DLG2: variants seen among roughly 807,000 people sequenced by gnomAD.
The protein encoded by DLG2 is disks large homolog 2.
In DLG2, 45 loss-of-function variants were observed where a neutral mutation model predicts 132.5. The ratio of observed to expected loss-of-function variants is 0.34; its 90% CI spans 0.27 to 0.44. The LOEUF (loss-of-function observed/expected upper bound fraction) is 0.44. Among genes scored for constraint, DLG2 ranks in the 20% least tolerant of loss-of-function variants. The pLI is 1.00. For synonymous variants in DLG2, 424 were observed against 419.6 expected (o/e 1.01, Z -0.13); for missense variants, 1,045 against 1,196.9 (o/e 0.87, Z 1.87).
At chr11:83,621,205 A>G (rs1470873903) in intron 19 of DLG2, among the ~76,000 whole-genome samples, 2 of 152,080 alleles carry the variant, frequency 1.3e-5, no homozygotes, top group Admixed American at 6.5e-5. Context: ...CTTTTTGTTT[A>G]TTATTTTTAG....
intron 21 of DLG2, among the ~76,000 whole-genome samples, chr11:83,497,559 A>T (rs985923888): frequency 6.6e-6 from 1 of 151,796 alleles, no homozygotes; most frequent in Admixed American, 6.6e-5. Flanking sequence ...AAAAACAAAA[A>T]ACAAAACAAA....
chr11:85,336,504 G>A lies in DLG2; in HGVS notation c.41-51139C>T, dbSNP rs139362007. 927 of 157,200 alleles carry A rather than the reference G, an allele frequency of 5.9e-3. 7 individuals are homozygous for A. Among genetic ancestry groups the A allele is most frequent in the Middle Eastern group, 0.015 (5 of 342 alleles). The allele number at this position is 157,200 out of a possible 1,614,324, so 9.7% of individuals were successfully genotyped here. A position where few individuals can be genotyped will look rare whatever the true frequency, so the allele number is the denominator to read the frequency against. On this transcript the variant is annotated intron_variant, in intron 3 of 27. Transcript: ENST00000376104. Reference sequence around the variant, plus strand: ...CAAGGTGGTAGCAGCAGCTGAGGAGGTGGCCAACATAGCTGTGTTGTTCCT... The same window carrying A: ...CAAGGTGGTAGCAGCAGCTGAGGAGATGGCCAACATAGCTGTGTTGTTCCT...
At chr11:84,681,517 T>C (rs1054528556) in intron 6 of DLG2, among the ~76,000 whole-genome samples, 1 of 152,108 alleles carries the variant, frequency 6.6e-6, no homozygotes, top group East Asian at 1.9e-4. Flanking sequence ...ACATGCAGCT[T>C]TATGCTCACA....
intron 8 of DLG2, among the ~76,000 whole-genome samples, chr11:84,191,730 G>C (rs1176714339): frequency 6.6e-6 from 1 of 152,166 alleles, no homozygotes; most frequent in Non-Finnish European, 1.5e-5. Context: ...GCAATTAACA[G>C]TTAATAAATA....
intron 7 of DLG2, among the ~76,000 whole-genome samples, chr11:84,505,148 T>C (rs1378915682): frequency 6.6e-6 from 1 of 152,112 alleles, no homozygotes; most frequent in Non-Finnish European, 1.5e-5. Context: ...TATTAAAATG[T>C]ATCCTATTTA....
intron 7 of DLG2, among the ~76,000 whole-genome samples, chr11:84,343,968 T>G (rs925457721): frequency 6.6e-6 from 1 of 152,128 alleles, no homozygotes; most frequent in Non-Finnish European, 1.5e-5. Context: ...TATGTCCTCT[T>G]GAAGAAAGAA....
chr11:83,964,606 C>A lies in DLG2; in HGVS notation c.1201+718G>T, dbSNP rs192835182. Among the ~76,000 whole-genome samples, 783 of 152,062 alleles carry A rather than the reference C, an allele frequency of 5.1e-3. 4 individuals carry two copies. In the Middle Eastern group the frequency reaches 0.055, roughly 11 times the overall value. ...ACAACTATCCCTTACATTTACATAA[C>A]AAAGTAAATTGCTTCTAAATCTAGT... is the stretch of plus-strand genomic sequence containing the variant. On this transcript the variant is annotated intron_variant, in intron 13 of 27. Transcript: ENST00000376104.
chr11:84,213,396 A>C (rs747533340), intron 8 of DLG2, among the ~76,000 whole-genome samples: 2 of 152,192 alleles, frequency 1.3e-5, no homozygotes, highest in African/African-American at 2.4e-5. Flanking sequence ...CTATTGAATA[A>C]ATTAATGAAT....
intron 3 of DLG2, among the ~76,000 whole-genome samples, chr11:85,458,097 C>T (rs1042067993): frequency 1.3e-5 from 2 of 152,180 alleles, no homozygotes; most frequent in East Asian, 3.8e-4. Flanking sequence ...GGTTTCTTTA[C>T]ATAATCCCAT....
chr11:83,904,243 T>G (rs931760274), intron 15 of DLG2, among the ~76,000 whole-genome samples: 1 of 152,160 alleles, frequency 6.6e-6, no homozygotes, highest in Non-Finnish European at 1.5e-5. Flanking sequence ...TGGCACATAA[T>G]TTAAAACATA....
intron 3 of DLG2, among the ~76,000 whole-genome samples, chr11:85,304,471 A>G (rs908127891): frequency 6.6e-6 from 1 of 152,164 alleles, no homozygotes; most frequent in African/African-American, 2.4e-5. Flanking sequence ...ACAAAATTCA[A>G]TATTTTTGAA....
intron 6 of DLG2, among the ~76,000 whole-genome samples, chr11:84,839,376 C>T (rs998704395): frequency 6.6e-6 from 1 of 152,122 alleles, no homozygotes; most frequent in African/African-American, 2.4e-5. Flanking sequence ...ATTCCATGCT[C>T]ATGGATAGGA....
intron 9 of DLG2, among the ~76,000 whole-genome samples, chr11:84,105,258 G>A (rs905371310): frequency 1.3e-5 from 2 of 152,096 alleles, no homozygotes; most frequent in Non-Finnish European, 2.9e-5. Flanking sequence ...GATCTGGGTC[G>A]TTTTAACCTG....
intron 11 of DLG2, among the ~76,000 whole-genome samples, chr11:84,025,580 G>A (rs1421622835): frequency 6.6e-6 from 1 of 152,094 alleles, no homozygotes; most frequent in Non-Finnish European, 1.5e-5. Context: ...TATTTGAATT[G>A]AAAACTTTTA....
chr11:85,111,803 C>T, intron 5 of DLG2, 68 bp from the exon 6 acceptor site: 1 of 1,195,910 alleles, frequency 8.4e-7, no homozygotes, highest in South Asian at 1.4e-5. Context: ...TGCTAGCTGA[C>T]ATGTTTATTA....
chr11:85,625,168 CTCTG>C (rs1414561869), intron 2 of DLG2: 7 of 152,302 alleles, frequency 4.6e-5, no homozygotes, highest in African/African-American at 1.7e-4. Flanking sequence ...CTCTTTTCCT[CTCTG>C]TCTCTCTCTC....
At chr11:84,598,240 G>A (rs1043246535) in intron 6 of DLG2, among the ~76,000 whole-genome samples, 1 of 152,140 alleles carries the variant, frequency 6.6e-6, no homozygotes, top group African/African-American at 2.4e-5. Flanking sequence ...CCACCAACTA[G>A]TACTTGCAGG....
intron 3 of DLG2, among the ~76,000 whole-genome samples, chr11:85,445,403 CGCGG>C (rs2091962691): frequency 2.0e-5 from 3 of 152,256 alleles, no homozygotes; most frequent in Non-Finnish European, 4.4e-5. Flanking sequence ...ACTGGCCGGG[CGCGG>C]TGGCTCATGC....
intron 7 of DLG2, among the ~76,000 whole-genome samples, chr11:84,516,305 A>C (rs1364483255): frequency 1.3e-5 from 2 of 151,446 alleles, no homozygotes; most frequent in Non-Finnish European, 3.0e-5. Context: ...TTTGAAAAAA[A>C]TATATAAAAT....
Sources: allele counts gnomAD v4.1 joint callset (sites outside exome capture counted in the v4.1 genomes callset), GRCh38; gene constraint gnomAD v4.1.1; transcripts MANE v1.5; gene names NCBI Gene and HGNC (gene_info 2026-07-23, HGNC 2026-07-21).